The following SERPINA1 variants were observed in gnomAD, a reference collection of about 807,000 sequenced individuals.
SERPINA1 encodes alpha-1-antitrypsin.
In SERPINA1, 21 loss-of-function variants were observed where a neutral mutation model predicts 25.4. The ratio of observed to expected loss-of-function variants is 0.83; its 90% confidence interval spans 0.59 to 1.19. The LOEUF (loss-of-function observed/expected upper bound fraction) is 1.19, where lower values mean the gene tolerates loss of function less well. Ranked by LOEUF, SERPINA1 falls within the 50% of genes most tolerant of loss-of-function variation. The pLI is 0.00. For missense variants in SERPINA1, 546 were observed against 509.0 expected, an observed-to-expected ratio of 1.07 and a Z score of -0.70; for synonymous variants, 218 against 211.1, an observed-to-expected ratio of 1.03 and a Z score of -0.29.
chr14:94,390,434 G>GAGC (rs1168541828), upstream of SERPINA1: 5 of 152,588 alleles, frequency 3.3e-5, no homozygotes, highest in East Asian at 9.6e-4. Context: ...GGAACTGAGT[G>GAGC]AGCAGCAGCA....
intron 1 of SERPINA1, chr14:94,383,486 G>A (rs147201299): frequency 1.9e-5 from 11 of 574,488 alleles, no homozygotes; most frequent in African/African-American, 7.4e-5. Flanking sequence ...TAACAATCCC[G>A]TGAGGTGCTA....
chr14:94,389,309 T>C (rs1158436679), upstream of SERPINA1, among the ~76,000 whole-genome samples: 1 of 152,194 alleles, frequency 6.6e-6, no homozygotes, highest in East Asian at 1.9e-4. Flanking sequence ...AGTTGGAAGT[T>C]TCATTCCCAA....
At chr14:94,388,968 T>G (rs1897491541), upstream of SERPINA1, 1 of 152,358 alleles carries the variant, frequency 6.6e-6, no homozygotes, top group African/African-American at 2.4e-5. Flanking sequence ...TACCATTTAC[T>G]GAGTCACCCC....
At chr14:94,383,383 A>G in intron 1 of SERPINA1, 142 bp from the exon 2 acceptor site, 1 of 815,648 alleles carries the variant, frequency 1.2e-6, no homozygotes, top group Non-Finnish European at 2.0e-6. Context: ...AGTAACACTG[A>G]AAGAATCAGA....
At chr14:94,384,716 C>G (rs1897180515) in intron 1 of SERPINA1, among the ~76,000 whole-genome samples, 1 of 152,170 alleles carries the variant, frequency 6.6e-6, no homozygotes, top group African/African-American at 2.4e-5. Context: ...AAACCAAAAC[C>G]ATCATCTTAA....
rs779594992 is a variant in SERPINA1, at chr14:94,378,660, A to T, written c.1066-20T>A. On this transcript the variant is annotated intron_variant, in intron 4 of 4. Coordinates refer to ENST00000393087, the MANE Select transcript of SERPINA1 (RefSeq NM_000295.5). ...CACGGCCTGGAGGGGAGAGAAGCAG[A>T]GACACGTTGTAAGGCTGATCCCAGG... The T allele has an allele frequency of 6.2e-7, 1 of 1,611,868 alleles. No individual in the cohort carries two copies. Among genetic ancestry groups the T allele is most frequent in the Admixed American group, 1.7e-5 (1 of 59,650 alleles).
At position 94,377,754 on chromosome 14, in the gene SERPINA1, A is replaced by T. The variant is rs1322530633; in HGVS notation, c.*695T>A. 6.6e-6 allele frequency: 1 copy of T among 152,262 alleles called. No homozygotes were observed. Among genetic ancestry groups the T allele is most frequent in the Non-Finnish European group, 1.5e-5 (1 of 68,200 alleles). The allele number at this position is 152,262 out of a possible 1,614,324, so 9.4% of individuals were successfully genotyped here. On this transcript the variant is annotated 3_prime_UTR_variant, in exon 5 of 5. Coordinates refer to ENST00000393087, the MANE Select transcript of SERPINA1 (RefSeq NM_000295.5). ...ATATGTGAGGCTTTCTGGGGCAGCG[A>T]TGGAAGGACAAGGACAGAATAGGTG...
At chr14:94,384,320 A>C (rs1897156175) in intron 1 of SERPINA1, among the ~76,000 whole-genome samples, 3 of 152,178 alleles carry the variant, frequency 2.0e-5, no homozygotes, top group Admixed American at 6.5e-5. Context: ...AATAAGTCTC[A>C]ACACCAAACC....
chr14:94,385,310 C>A (rs1332303788), intron 1 of SERPINA1, among the ~76,000 whole-genome samples: 2 of 152,210 alleles, frequency 1.3e-5, no homozygotes, highest in African/African-American at 4.8e-5. Flanking sequence ...TTCACTGGGG[C>A]CCTCTGTACA....
upstream of SERPINA1, chr14:94,389,101 C>G (rs541160832): frequency 2.0e-5 from 3 of 152,370 alleles, no homozygotes; most frequent in Admixed American, 1.3e-4. Context: ...ACCCAGTCAG[C>G]CTTAGACACA....
Position 94,378,580 on chromosome 14 carries a change from A to G in SERPINA1, c.1126T>C (p.Phe376Leu). The stretch of plus-strand genomic sequence containing the variant: ...ATAGACATGGGTATGGCCTCTAAAA[A>G]CATGGCCCCAGCAGCTTCAGTCCCT... Reference protein sequence around the residue: ...EKGTEAAGAMFLEAIPMSIPP... With the variant: ...EKGTEAAGAMLLEAIPMSIPP... Residue 376 changes from phenylalanine to leucine, a missense_variant, in exon 5 of 5, where the codon TTT (phenylalanine) becomes CTT (leucine). By Grantham distance (22) the Phe-to-Leu change is conservative (BLOSUM62 0). Coordinates refer to ENST00000393087, the MANE Select transcript of SERPINA1 (RefSeq NM_000295.5). The G allele has an allele frequency of 6.2e-7, 1 of 1,614,020 alleles. No homozygotes were observed. The highest frequency in any genetic ancestry group is 8.5e-7 in the Non-Finnish European group (1 of 1,179,984).
chr14:94,387,911 G>A (rs1439457652), intron 1 of SERPINA1, among the ~76,000 whole-genome samples: 1 of 152,154 alleles, frequency 6.6e-6, no homozygotes, highest in African/African-American at 2.4e-5. Context: ...TGAGCCCTGG[G>A]TGACAGTGCC....
Position 94,378,506 on chromosome 14 carries a change from T to G in SERPINA1, c.1200A>C (p.Glu400Asp), listed in dbSNP as rs1303. Residue 400 changes from glutamate to aspartate, a missense_variant, in exon 5 of 5, where the codon GAA becomes GAC. Coordinates refer to ENST00000393087, the MANE Select transcript of SERPINA1 (RefSeq NM_000295.5). ...TGAAGAGGGGAGACTTGGTATTTTG[T>G]TCAATCATTAAGAAGACAAAGGGTT... ...FNKPFVFLMI[E>D]QNTKSPLFMG... The G allele has an allele frequency of 0.26, 421,910 of 1,613,760 alleles. 57,937 individuals are homozygous for G. The highest frequency in any genetic ancestry group is 0.42 in the South Asian group (38,361 of 91,068).
At chr14:94,388,973 C>T (rs1348020234), upstream of SERPINA1, 2 of 152,292 alleles carry the variant, frequency 1.3e-5, no homozygotes, top group Admixed American at 6.5e-5. Flanking sequence ...TTTACTGAGT[C>T]ACCCCAAAAT....
chr14:94,379,826 C>T (rs1323632267), intron 3 of SERPINA1, among the ~76,000 whole-genome samples: 1 of 152,256 alleles, frequency 6.6e-6, no homozygotes, highest in African/African-American at 2.4e-5. Context: ...ATCACAAAAG[C>T]TTGAAATGCC....
At chr14:94,389,962 G>A (rs1221802170), upstream of SERPINA1, 2 of 152,246 alleles carry the variant, frequency 1.3e-5, no homozygotes. Context: ...GGATTAAAAT[G>A]CAACAGTTCA....
chr14:94,383,343 AC>A, intron 1 of SERPINA1, 102 bp from the exon 2 acceptor site: 1 of 1,291,618 alleles, frequency 7.7e-7, no homozygotes, highest in Non-Finnish European at 1.1e-6. Flanking sequence ...GGATTATTAA[AC>A]CAGCCTGTGC....
intron 4 of SERPINA1, 56 bp downstream of exon 4, chr14:94,379,408 C>T (rs961567623): frequency 1.2e-6 from 2 of 1,610,878 alleles, no homozygotes; most frequent in African/African-American, 2.7e-5. Flanking sequence ...CTGCAGCCCC[C>T]ACACATTCTT....
At position 94,382,993 on chromosome 14, in the gene SERPINA1, G is replaced by A; in HGVS notation, c.245C>T (p.Ala82Val). The A allele has an allele frequency of 1.9e-6, 3 of 1,609,488 alleles. No homozygotes were observed. The highest frequency in any genetic ancestry group is 1.1e-5 in the South Asian group (1 of 90,866). ...TNIFFSPVSI[A>V]TAFAMLSLGT... Reference sequence around the variant, plus strand: ...CAGGGAGAGCATTGCAAAGGCTGTAGCGATGCTCACTGGGGAGAAGAAGAT... The same window carrying A: ...CAGGGAGAGCATTGCAAAGGCTGTAACGATGCTCACTGGGGAGAAGAAGAT... Residue 82 changes from alanine (A) to valine (V), a missense_variant, in exon 2 of 5, where the codon GCT becomes GTT. Coordinates refer to ENST00000393087, the MANE Select transcript of SERPINA1 (RefSeq NM_000295.5).
Sources: gnomAD v4.1 joint callset for allele counts (sites outside exome capture counted in the v4.1 genomes callset) on GRCh38, gnomAD v4.1.1 for gene constraint, MANE v1.5 for transcripts, NCBI Gene and HGNC (gene_info 2026-07-23, HGNC 2026-07-21) for gene names.